Variants in DLGAP3 observed in about 807,000 individuals in gnomAD.
DLGAP3 encodes the protein DLG associated protein 3, also known as disks large-associated protein 3.
Under a neutral mutation model 81.2 loss-of-function variants are expected in DLGAP3, and 17 were observed. The observed-to-expected ratio is 0.21, with a 90% CI of 0.14 to 0.31. DLGAP3 has a LOEUF of 0.31. DLGAP3 is among the 10% of genes least tolerant of loss of function. The pLI, the probability that DLGAP3 is intolerant of heterozygous loss-of-function variation, is 1.00. For synonymous variants in DLGAP3, 577 were observed against 587.4 expected, an observed-to-expected ratio of 0.98 and a Z score of 0.26; for missense variants, 1,124 against 1,388.0, an observed-to-expected ratio of 0.81 and a Z score of 3.02.
At chr1:34,880,095 A>G (rs1332009409) in intron 8 of DLGAP3, among the ~76,000 whole-genome samples, 1 of 152,044 alleles carries the variant, frequency 6.6e-6, no homozygotes, top group East Asian at 1.9e-4. Flanking sequence ...AGTCTCAGAG[A>G]CAGGCTGAAG....
At chr1:34,899,269 C>A (rs1441250555) in intron 5 of DLGAP3, among the ~76,000 whole-genome samples, 1 of 152,080 alleles carries the variant, frequency 6.6e-6, no homozygotes, top group Admixed American at 6.5e-5. Context: ...GGGGTTTCAC[C>A]GTGTTAGCCA....
rs368432836 is a variant in DLGAP3 at position 34,904,248 on chromosome 1, T to G, written c.1107+29A>C. ...GACAAGACTGGTGAAGGCTAAGGACTCTGTTCCCCAACCCCAAAAAAGCCT... is the reference window on the plus strand; with the variant it reads ...GACAAGACTGGTGAAGGCTAAGGACGCTGTTCCCCAACCCCAAAAAAGCCT... On this transcript the variant is annotated intron_variant, in intron 3 of 11. Transcript: ENST00000373347. The surrounding 1 kb of genome is among the most constrained non-coding windows in gnomAD (Gnocchi z 8.1). 1.5e-5 allele frequency: 24 copies of G among 1,600,046 alleles called. No individual in the cohort carries two copies. In the African/African-American group the frequency reaches 2.7e-4, roughly 18 times the overall value.
chr1:34,895,917 TACACAC>T lies in DLGAP3; in HGVS notation c.1386+3746_1386+3751del, dbSNP rs34456104. Reference sequence around the variant, plus strand: ...CTGGACCCCTAACTTGAATCACACATACACACACACACACACACACACACACACACA... The same window carrying T: ...CTGGACCCCTAACTTGAATCACACATACACACACACACACACACACACACA... On this transcript the variant is annotated intron_variant, in intron 5 of 11. Transcript: ENST00000373347. The surrounding 1 kb of genome is among the most constrained non-coding windows in gnomAD (Gnocchi z 4.5). Among the ~76,000 whole-genome samples, 760 of 144,566 alleles carry T rather than the reference TACACAC, an allele frequency of 5.3e-3. 5 individuals carry two copies. The highest frequency in any genetic ancestry group is 0.014 in the African/African-American group (524 of 38,242). 94.8% of individuals were successfully genotyped at this position (144,566 alleles called of 152,430 possible). A position where few individuals can be genotyped will look rare whatever the true frequency, so the allele number is the denominator to read the frequency against.
intron 5 of DLGAP3, among the ~76,000 whole-genome samples, chr1:34,889,880 G>T (rs765677657): frequency 5.9e-5 from 9 of 152,214 alleles, no homozygotes; most frequent in African/African-American, 1.9e-4. Flanking sequence ...GGCGGGAGGT[G>T]GGGGCAGGGG....
intron 11 of DLGAP3, among the ~76,000 whole-genome samples, 170 bp from the exon 12 acceptor site, chr1:34,866,471 C>T (rs978258214): frequency 6.6e-6 from 1 of 152,118 alleles, no homozygotes; most frequent in Non-Finnish European, 1.5e-5. Context: ...GCTCCTGTTC[C>T]GACAAGGTCA....
chr1:34,909,442 C>A (rs1639607910), intron 1 of DLGAP3, among the ~76,000 whole-genome samples: 1 of 152,150 alleles, frequency 6.6e-6, no homozygotes, highest in Non-Finnish European at 1.5e-5. Context: ...CCTCTCTAAG[C>A]CTCAGGACAC....
intron 11 of DLGAP3, 48 bp downstream of exon 11, chr1:34,867,000 G>T: frequency 1.2e-6 from 2 of 1,610,106 alleles, no homozygotes; most frequent in Non-Finnish European, 1.7e-6. Context: ...CTGGGGAGGG[G>T]AATTTCCCAG....
chr1:34,910,919 G>T (rs1480937653), intron 1 of DLGAP3, among the ~76,000 whole-genome samples: 1 of 151,964 alleles, frequency 6.6e-6, no homozygotes, highest in African/African-American at 2.4e-5. Flanking sequence ...TTAGCATATG[G>T]CAGGCATTTG....
chr1:34,878,923 T>A (rs984371103), intron 8 of DLGAP3, among the ~76,000 whole-genome samples: 25 of 151,944 alleles, frequency 1.6e-4, no homozygotes, highest in African/African-American at 6.0e-4. Flanking sequence ...ACAAAAAAAA[T>A]TAGCCGGGCA....
rs934446815 is a variant in DLGAP3, at chr1:34,902,724, C to T, written c.1107+1553G>A. Among the ~76,000 whole-genome samples the T allele has an allele frequency of 1.6e-4, 25 of 152,108 alleles. No individual in the cohort carries two copies. Among genetic ancestry groups the T allele is most frequent in the Non-Finnish European group, 3.1e-4 (21 of 67,996 alleles). ...AGAGGCAGGCCAGCAGATGGGAAGGCCATACTGCAGGGTTCCCATTCTAGC... is the reference window on the plus strand; with the variant it reads ...AGAGGCAGGCCAGCAGATGGGAAGGTCATACTGCAGGGTTCCCATTCTAGC... On this transcript the variant is annotated intron_variant, in intron 3 of 11. Coordinates refer to ENST00000373347, the MANE Select transcript of DLGAP3 (RefSeq NM_001080418.3). The surrounding 1 kb of genome is among the most constrained non-coding windows in gnomAD (Gnocchi z 4.4).
At chr1:34,915,149 G>A (rs191239327) in intron 1 of DLGAP3, among the ~76,000 whole-genome samples, 23 of 152,290 alleles carry the variant, frequency 1.5e-4, no homozygotes, top group African/African-American at 5.1e-4. Context: ...ATGCCCATGA[G>A]CAATTTGTGT....
intron 1 of DLGAP3, among the ~76,000 whole-genome samples, chr1:34,917,983 C>G (rs1021688294): frequency 2.0e-5 from 3 of 152,204 alleles, no homozygotes; most frequent in Admixed American, 6.5e-5. Context: ...AATCACCCCC[C>G]AAGCCAGCCC....
chr1:34,913,415 ACT>A (rs1461103358), intron 1 of DLGAP3, among the ~76,000 whole-genome samples: 1 of 151,996 alleles, frequency 6.6e-6, no homozygotes, highest in African/African-American at 2.4e-5. Flanking sequence ...CTGCTGGAAC[ACT>A]CTGCCCCAGA....
chr1:34,879,113 G>A (rs1639104708), intron 8 of DLGAP3, among the ~76,000 whole-genome samples: 1 of 151,654 alleles, frequency 6.6e-6, no homozygotes, highest in African/African-American at 2.4e-5. Context: ...CTGCGGGGGG[G>A]CATAGTAGGG....
chr1:34,868,671 C>T lies in DLGAP3; in HGVS notation c.2419G>A (p.Glu807Lys), dbSNP rs745842725. 1.2e-6 allele frequency: 2 copies of T among 1,612,738 alleles called. No individual in the cohort carries two copies. Among genetic ancestry groups the T allele is most frequent in the Admixed American group, 1.7e-5 (1 of 60,034 alleles). Residue 807 changes from glutamate (E) to lysine (K), a missense_variant, in exon 9 of 12, where the codon GAG becomes AAG. By Grantham distance (56) the Glu-to-Lys change is moderately conservative. This residue lies in a region of DLGAP3 where 379 missense variants were observed against 455.7 expected (regional missense o/e 0.83). Coordinates refer to ENST00000373347, the MANE Select transcript of DLGAP3 (RefSeq NM_001080418.3). This position sits in a 1 kb window ranked among gnomAD's most constrained non-coding sequence, Gnocchi z 7.5. ...TGCTGGCACCAGTGCTCCAGCTTCT[C>T]CACCTCTGCCCGCAGCATCTTGATG... Reference protein sequence around the residue: ...WFIKMLRAEVEKLEHWCQQME... With the variant: ...WFIKMLRAEVKKLEHWCQQME...
At chr1:34,911,070 G>C (rs1042377627) in intron 1 of DLGAP3, among the ~76,000 whole-genome samples, 2 of 137,728 alleles carry the variant, frequency 1.5e-5, no homozygotes, top group Admixed American at 1.6e-4. Flanking sequence ...ACTGAGGTTT[G>C]GAGAGGCTAA....
In DLGAP3 at chr1:34,869,047, C is replaced by A. The variant is rs565640559; in HGVS notation, c.2043G>T (p.Val681=). The part of the protein sequence containing the change: ...FKRSNSVTAG[V]QADLELEGLA... ...GGCCCTCCAGCTCCAGGTCTGCCTG[C>A]ACGCCAGCCGTCACACTATTGGAGC... The change falls in exon 9 of 12, where the codon GTG becomes GTT. Residue 681 remains valine (V), a synonymous_variant. Transcript: ENST00000373347. 6.3e-7 allele frequency: 1 copy of A among 1,598,932 alleles called. No individual in the cohort carries two copies. The highest frequency in any genetic ancestry group is 2.2e-5 in the East Asian group (1 of 44,806).
At chr1:34,884,097 T>C (rs1639184569) in intron 8 of DLGAP3, among the ~76,000 whole-genome samples, 1 of 151,994 alleles carries the variant, frequency 6.6e-6, no homozygotes. Context: ...TTTTGTATTT[T>C]TAGTAGAGAT....
chr1:34,906,968 G>A (rs995434384), intron 2 of DLGAP3, among the ~76,000 whole-genome samples: 2 of 152,074 alleles, frequency 1.3e-5, no homozygotes, highest in African/African-American at 4.8e-5. Context: ...CCTCATCCTC[G>A]ACCAGGCTCC....
Sources: gnomAD v4.1 joint callset for allele counts (sites outside exome capture counted in the v4.1 genomes callset) on GRCh38, gnomAD v4.1.1 for gene constraint, gnomAD v4.1.1 regional missense constraint, Gnocchi (gnomAD v3.1) non-coding constraint, MANE v1.5 for transcripts, NCBI Gene and HGNC (gene_info 2026-07-23, HGNC 2026-07-21) for gene names.